The following DOCK2 variants were observed in gnomAD, a reference collection of about 807,000 sequenced individuals.
The protein encoded by DOCK2 is dedicator of cytokinesis 2.
Under a neutral mutation model 248.9 loss-of-function variants are expected in DOCK2, and 87 were observed. That is an observed-to-expected ratio of 0.35 (90% CI 0.29 to 0.42). The LOEUF is 0.42. DOCK2 is among the 10% of genes least tolerant of loss of function. The probability of loss-of-function intolerance (pLI) is 1.00; values close to 1 mark genes in which losing one functional copy is unlikely to be tolerated. For synonymous variants in DOCK2, 805 were observed against 821.6 expected (o/e 0.98, Z 0.35); for missense variants, 1,747 against 2,300.2 (o/e 0.76, Z 4.92).
At chr5:169,841,374 C>G in intron 27 of DOCK2, 1 of 987,542 alleles carries the variant, frequency 1.0e-6, no homozygotes, top group Non-Finnish European at 1.2e-6. Flanking sequence ...GCCCCGTCAT[C>G]TGATTATTTT....
intron 27 of DOCK2, among the ~76,000 whole-genome samples, chr5:169,878,421 C>A (rs1772452011): frequency 6.6e-6 from 1 of 152,122 alleles, no homozygotes; most frequent in Non-Finnish European, 1.5e-5. Context: ...GCATCAATTA[C>A]AAAAAGTATT....
intron 44 of DOCK2, 100 bp downstream of exon 44, chr5:170,057,766 T>C (rs192256411): frequency 9.3e-7 from 1 of 1,077,492 alleles, no homozygotes; most frequent in East Asian, 2.7e-5. Context: ...AGACATGTTT[T>C]TCTTTGAAGC....
Position 170,083,075 on chromosome 5 carries a change from A to C in DOCK2, c.*217A>C. On this transcript the variant is annotated 3_prime_UTR_variant, in exon 52 of 52. Transcript: ENST00000520908. The stretch of plus-strand genomic sequence containing the variant: ...TGATCATGGTGGATGAGGAAGCCTC[A>C]ACGTAGATTCCTGAACTCAAGGTAC... 1 of 576,582 alleles carries C rather than the reference A, an allele frequency of 1.7e-6. No individual in the cohort carries two copies. Among genetic ancestry groups the C allele is most frequent in the Non-Finnish European group, 3.0e-6 (1 of 328,030 alleles). 35.7% of individuals were successfully genotyped at this position (576,582 alleles called of 1,614,324 possible).
chr5:169,961,352 A>T (rs1777078959), intron 27 of DOCK2, among the ~76,000 whole-genome samples: 1 of 152,258 alleles, frequency 6.6e-6, no homozygotes, highest in South Asian at 2.1e-4. Flanking sequence ...GAACAGAATT[A>T]AATTGAATTG....
rs189675739 is a variant in DOCK2, at chr5:170,021,374, G to A, written c.3381+2266G>A. Among the ~76,000 whole-genome samples the A allele has an allele frequency of 1.6e-3, 243 of 152,310 alleles. 1 individual carries two copies. Among genetic ancestry groups the A allele is most frequent in the Non-Finnish European group, 2.8e-3 (192 of 68,028 alleles). On this transcript the variant is annotated intron_variant, in intron 33 of 51. Coordinates refer to ENST00000520908, the MANE Select transcript of DOCK2 (RefSeq NM_004946.3). ...AGACCCACTTCTGAGGCCAGCGGGT[G>A]CCTTAGAAGAGTTCCTGGGAACAGG...
At chr5:169,911,375 T>A (rs1176223502) in intron 27 of DOCK2, among the ~76,000 whole-genome samples, 1 of 152,176 alleles carries the variant, frequency 6.6e-6, no homozygotes, top group Admixed American at 6.5e-5. Flanking sequence ...GCTATGGCGT[T>A]CACAGGACAT....
chr5:169,838,254 G>A lies in DOCK2; in HGVS notation c.2704-2503G>A, dbSNP rs183721238. ...ATCGTGTTCCAGTCTGCATGGGTGA[G>A]TTTGGATAAGGAGAATACTCTGGAG... On this transcript the variant is annotated intron_variant, in intron 26 of 51. Transcript: ENST00000520908. 3.2e-4 allele frequency among the ~76,000 whole-genome samples: 49 copies of A among 152,306 alleles called. 1 individual carries two copies. The highest frequency in any genetic ancestry group is 1.1e-3 in the African/African-American group (47 of 41,562).
At chr5:169,810,378 T>G (rs1418455620) in intron 26 of DOCK2, among the ~76,000 whole-genome samples, 1 of 152,324 alleles carries the variant, frequency 6.6e-6, no homozygotes, top group East Asian at 1.9e-4. Context: ...GCGTGTGCAT[T>G]TTGTCATAAA....
At chr5:169,643,684 T>C (rs1757280408) in intron 1 of DOCK2, among the ~76,000 whole-genome samples, 1 of 151,720 alleles carries the variant, frequency 6.6e-6, no homozygotes. Context: ...GCCTGGGGAG[T>C]TGGGGACCCC....
intron 44 of DOCK2, among the ~76,000 whole-genome samples, chr5:170,063,171 T>G (rs1178728636): frequency 6.6e-6 from 1 of 152,164 alleles, no homozygotes. Flanking sequence ...ATGAAAGCAC[T>G]TCCAGGGCTT....
intron 27 of DOCK2, among the ~76,000 whole-genome samples, chr5:169,849,299 G>A (rs1008111476): frequency 7.2e-5 from 11 of 152,224 alleles, no homozygotes; most frequent in Non-Finnish European, 1.0e-4. Flanking sequence ...TGAGACACAG[G>A]GAGGTCATGC....
intron 25 of DOCK2, among the ~76,000 whole-genome samples, chr5:169,762,740 A>G (rs1279554722): frequency 6.6e-6 from 1 of 152,136 alleles, no homozygotes; most frequent in African/African-American, 2.4e-5. Flanking sequence ...AGCCTCTCCA[A>G]TTTTCAATTT....
At chr5:169,760,887 T>A (rs1194299501) in intron 24 of DOCK2, among the ~76,000 whole-genome samples, 1 of 152,240 alleles carries the variant, frequency 6.6e-6, no homozygotes, top group African/African-American at 2.4e-5. Flanking sequence ...AATAAGTTTA[T>A]TTTGGAAAGC....
At chr5:169,808,512 G>A (rs905369647) in intron 26 of DOCK2, among the ~76,000 whole-genome samples, 2 of 151,786 alleles carry the variant, frequency 1.3e-5, no homozygotes, top group Non-Finnish European at 2.9e-5. Flanking sequence ...GCTTGCTCCT[G>A]GTCTCTTAGC....
intron 26 of DOCK2, among the ~76,000 whole-genome samples, chr5:169,809,287 G>A (rs918421843): frequency 3.3e-5 from 5 of 152,266 alleles, no homozygotes; most frequent in Admixed American, 2.0e-4. Flanking sequence ...CACTGCGCCC[G>A]GCCAGGTTTT....
intron 22 of DOCK2, among the ~76,000 whole-genome samples, chr5:169,721,068 A>G (rs1384978370): frequency 7.2e-5 from 11 of 152,144 alleles, no homozygotes; most frequent in East Asian, 1.9e-4. Flanking sequence ...TGTGTTTTCC[A>G]TCTACTGGGA....
intron 30 of DOCK2, among the ~76,000 whole-genome samples, chr5:170,005,665 A>G (rs1755003796): frequency 6.6e-6 from 1 of 151,956 alleles, no homozygotes; most frequent in Admixed American, 6.6e-5. Context: ...TAATGGTTGA[A>G]CCCCTTGTGA....
chr5:169,968,611 T>C (rs1175659694), intron 27 of DOCK2, among the ~76,000 whole-genome samples: 1 of 152,208 alleles, frequency 6.6e-6, no homozygotes. Context: ...TGTTTTTCAT[T>C]TTGATGAATG....
At chr5:169,981,735 C>T (rs1009194469) in intron 27 of DOCK2, among the ~76,000 whole-genome samples, 1 of 152,118 alleles carries the variant, frequency 6.6e-6, no homozygotes, top group Admixed American at 6.5e-5. Flanking sequence ...AAAATGATTC[C>T]TATTTACTGA....
Sources: gnomAD v4.1 joint callset for allele counts (sites outside exome capture counted in the v4.1 genomes callset) on GRCh38, gnomAD v4.1.1 for gene constraint, MANE v1.5 for transcripts, NCBI Gene and HGNC (gene_info 2026-07-23, HGNC 2026-07-21) for gene names.